The following CNOT1 variants were observed in gnomAD, a reference collection of about 807,000 sequenced individuals.
CNOT1 encodes the protein CCR4-associated factor 1.
A neutral mutation model predicts 273.8 loss-of-function variants in CNOT1; 15 were observed. That is an observed-to-expected ratio of 0.05 (90% CI 0.04 to 0.08). CNOT1 has a LOEUF of 0.08. CNOT1 is among the 10% of genes least tolerant of loss of function. The probability of loss-of-function intolerance (pLI) is 1.00; values close to 1 mark genes in which losing one functional copy is unlikely to be tolerated. For missense variants in CNOT1, 1,644 were observed against 2,912.2 expected, an observed-to-expected ratio of 0.56 and a Z score of 10.02; for synonymous variants, 1,022 against 1,005.5, an observed-to-expected ratio of 1.02 and a Z score of -0.31.
Position 58,556,932 on chromosome 16 carries a change from T to C in CNOT1, c.2394A>G (p.Ala798=), listed in dbSNP as rs746057211. The C allele has an allele frequency of 1.2e-6, 2 of 1,614,176 alleles. No homozygotes were observed. The highest frequency in any genetic ancestry group is 1.7e-6 in the Non-Finnish European group (2 of 1,180,024). Residue 798 remains alanine, a synonymous_variant, in exon 19 of 49, where the codon GCA becomes GCG. Coordinates refer to ENST00000317147, the MANE Select transcript of CNOT1 (RefSeq NM_016284.5). ...TCTGTACAAAAGGGTCGTTATTCAC[T>C]GCAGGGAGTCCAAGAGCACCAGTTC... ...GIGTGALGLP[A]VNNDPFVQRK...
chr16:58,580,235 A>G (rs1175690147), intron 12 of CNOT1, among the ~76,000 whole-genome samples: 1 of 152,014 alleles, frequency 6.6e-6, no homozygotes, highest in African/African-American at 2.4e-5. Flanking sequence ...CCATCCCAAA[A>G]ATATAAATAA....
chr16:58,528,402 G>T, intron 44 of CNOT1, 73 bp downstream of exon 44: 1 of 1,068,670 alleles, frequency 9.4e-7, no homozygotes, highest in Non-Finnish European at 1.4e-6. Context: ...GGAAAGTGCT[G>T]AACAGTCTAC....
chr16:58,621,661 G>C (rs1043010395), intron 1 of CNOT1, among the ~76,000 whole-genome samples: 4 of 149,992 alleles, frequency 2.7e-5, no homozygotes, highest in African/African-American at 7.3e-5. Context: ...GCTCACACCT[G>C]TAATCCCAGC....
chr16:58,601,898 T>C (rs932327064), intron 1 of CNOT1, among the ~76,000 whole-genome samples: 2 of 151,522 alleles, frequency 1.3e-5, no homozygotes, highest in African/African-American at 4.8e-5. Flanking sequence ...TAAAATATTT[T>C]TAAGTAAATA....
chr16:58,539,480 C>CACACACACACAG (rs1176007876), intron 35 of CNOT1, among the ~76,000 whole-genome samples: 63 of 148,688 alleles, frequency 4.2e-4, no homozygotes, highest in South Asian at 1.4e-3. Context: ...CACACACACA[C>CACACACACACAG]ACACACACAC....
At chr16:58,593,959 G>A (rs930552306) in intron 2 of CNOT1, among the ~76,000 whole-genome samples, 1 of 151,980 alleles carries the variant, frequency 6.6e-6, no homozygotes, top group African/African-American at 2.4e-5. Flanking sequence ...ATGAAAAAAG[G>A]CAAGGCCAGG....
At chr16:58,560,048 G>T in intron 17 of CNOT1, 164 bp downstream of exon 17, 2 of 1,488,730 alleles carry the variant, frequency 1.3e-6, no homozygotes, top group Non-Finnish European at 9.0e-7. Context: ...AAAATCTATT[G>T]TTAACTACAA....
rs1484207441 is a variant in CNOT1, at chr16:58,534,283, T to C, written c.5759A>G (p.Asn1920Ser). The C allele has an allele frequency of 2.5e-6, 4 of 1,614,122 alleles. No individual in the cohort carries two copies. The highest frequency in any genetic ancestry group is 2.5e-6 in the Non-Finnish European group (3 of 1,180,028). ...GATCATGGTGGGATTGGCAGCAGGA[T>C]TGTGCTGCTGCTCAGCCTGAGCACG... is the stretch of plus-strand genomic sequence containing the variant. Reference protein sequence around the residue: ...SYRAQAEQQHNPAANPTMIRA... With the variant: ...SYRAQAEQQHSPAANPTMIRA... Residue 1920 changes from asparagine to serine, a missense_variant, in exon 40 of 49, where the codon AAT becomes AGT. Transcript: ENST00000317147.
At chr16:58,609,371 C>A (rs1050243495) in intron 1 of CNOT1, among the ~76,000 whole-genome samples, 2 of 149,178 alleles carry the variant, frequency 1.3e-5, no homozygotes, top group Non-Finnish European at 1.5e-5. Context: ...GACTCTGTCT[C>A]AAAAAAAAAC....
chr16:58,545,591 A>G (rs1328073968), intron 29 of CNOT1, 100 bp from the exon 30 acceptor site: 1 of 1,534,776 alleles, frequency 6.5e-7, no homozygotes, highest in Non-Finnish European at 8.8e-7. Flanking sequence ...TAATTAAACG[A>G]ATTAAATTGG....
intron 16 of CNOT1, among the ~76,000 whole-genome samples, chr16:58,567,300 A>G (rs2041079746): frequency 6.6e-6 from 1 of 152,048 alleles, no homozygotes; most frequent in South Asian, 2.1e-4. Context: ...TCTGGGTAAT[A>G]GAGTGAGACT....
At chr16:58,578,667 G>GA (rs759621650) in intron 13 of CNOT1, 32 bp downstream of exon 13, 2 of 1,605,418 alleles carry the variant, frequency 1.2e-6, no homozygotes, top group Non-Finnish European at 1.7e-6. Context: ...TTATTCAGAT[G>GA]AAAAAATGGT....
In CNOT1 at chr16:58,520,058, T is replaced by C. The variant is rs2151883348; in HGVS notation, c.*900A>G. On this transcript the variant is annotated 3_prime_UTR_variant, in exon 49 of 49. Coordinates refer to ENST00000317147, the MANE Select transcript of CNOT1 (RefSeq NM_016284.5). ...AAAATACAACACAGGGACCAATACATTTGCAAAACATTCAAAATCCTTATA... is the reference window on the plus strand; with the variant it reads ...AAAATACAACACAGGGACCAATACACTTGCAAAACATTCAAAATCCTTATA... 6.6e-6 allele frequency: 1 copy of C among 152,336 alleles called. No homozygotes were observed. The highest frequency in any genetic ancestry group is 6.5e-5 in the Admixed American group (1 of 15,308). 9.4% of individuals were successfully genotyped at this position (152,336 alleles called of 1,614,324 possible).
rs2039317285 is a variant in CNOT1, at chr16:58,520,198, C to T, written c.*760G>A. The T allele has an allele frequency of 6.6e-6, 1 of 151,930 alleles. No individual in the cohort carries two copies. The highest frequency in any genetic ancestry group is 2.4e-5 in the African/African-American group (1 of 41,304). 9.4% of individuals were successfully genotyped at this position (151,930 alleles called of 1,614,324 possible). Reference sequence around the variant, plus strand: ...TAATTAATGAGATTTGGTTCCCTTTCCTATATTCCCACTGTTTTTAAGTTT... The same window carrying T: ...TAATTAATGAGATTTGGTTCCCTTTTCTATATTCCCACTGTTTTTAAGTTT... On this transcript the variant is annotated 3_prime_UTR_variant, in exon 49 of 49. Coordinates refer to ENST00000317147, the MANE Select transcript of CNOT1 (RefSeq NM_016284.5).
intron 16 of CNOT1, among the ~76,000 whole-genome samples, chr16:58,568,245 G>A (rs552076255): frequency 6.6e-6 from 1 of 152,226 alleles, no homozygotes; most frequent in South Asian, 2.1e-4. Context: ...GTGCATGCCT[G>A]TAATCCTAGC....
chr16:58,525,312 T>G lies in CNOT1; in HGVS notation c.6651A>C (p.Ala2217=). 6.2e-7 allele frequency: 1 copy of G among 1,613,830 alleles called. No individual in the cohort carries two copies. The highest frequency in any genetic ancestry group is 8.5e-7 in the Non-Finnish European group (1 of 1,180,024). Residue 2217 remains alanine (A), a synonymous_variant, in exon 46 of 49, where the codon GCA becomes GCC. Transcript: ENST00000317147. The part of the protein sequence containing the change: ...GNRYNLQLIN[A]LVLYVGTQAI... ...CCTGAGTCCCGACATAGAGCACCAG[T>G]GCATTGATGAGCTGGAGGTTGTAGC... is the stretch of plus-strand genomic sequence containing the variant.
chr16:58,553,368 T>G (rs1391820934), intron 22 of CNOT1, among the ~76,000 whole-genome samples: 1 of 152,196 alleles, frequency 6.6e-6, no homozygotes, highest in Non-Finnish European at 1.5e-5. Flanking sequence ...GATCTAAGTC[T>G]TATGTGTAAC....
chr16:58,603,401 A>G (rs1351994547), intron 1 of CNOT1, among the ~76,000 whole-genome samples: 1 of 134,622 alleles, frequency 7.4e-6, no homozygotes, highest in Admixed American at 7.9e-5. Context: ...TATCTCTACA[A>G]TTTAAAAGTG....
chr16:58,569,988 A>G (rs924403915), intron 16 of CNOT1, among the ~76,000 whole-genome samples: 1 of 152,240 alleles, frequency 6.6e-6, no homozygotes, highest in Non-Finnish European at 1.5e-5. Flanking sequence ...TCTTACCAGC[A>G]GCAAGATAGA....
Sources: allele counts gnomAD v4.1 joint callset (sites outside exome capture counted in the v4.1 genomes callset), GRCh38; gene constraint gnomAD v4.1.1; transcripts MANE v1.5; gene names NCBI Gene and HGNC (gene_info 2026-07-23, HGNC 2026-07-21).